TFEB: variants seen among roughly 807,000 people sequenced by gnomAD.
TFEB encodes transcription factor EB.
In TFEB, 12 loss-of-function variants were observed where a neutral mutation model predicts 48.0. The ratio of observed to expected loss-of-function variants is 0.25; its 90% confidence interval spans 0.16 to 0.40. The LOEUF (loss-of-function observed/expected upper bound fraction) is 0.40, where lower values mean the gene tolerates loss of function less well. TFEB is among the 10% of genes least tolerant of loss of function. The probability of loss-of-function intolerance (pLI) is 1.00; values close to 1 mark genes in which losing one functional copy is unlikely to be tolerated. For missense variants in TFEB, 509 were observed against 640.3 expected (o/e 0.79, Z 2.21); for synonymous variants, 244 against 261.4 (o/e 0.93, Z 0.64).
chr6:41,708,053 T>C (rs927089951), intron 1 of TFEB, among the ~76,000 whole-genome samples: 4 of 152,216 alleles, frequency 2.6e-5, no homozygotes, highest in Non-Finnish European at 5.9e-5. Flanking sequence ...ACAGGGGCAT[T>C]GCTGGCCTTG....
In TFEB at chr6:41,684,916, G is replaced by T. The variant is rs762463547; in HGVS notation, c.1114C>A (p.Leu372Met). The T allele has an allele frequency of 2.2e-5, 34 of 1,576,558 alleles. No individual in the cohort carries two copies. The Admixed American group carries it at 5.6e-4, about 26-fold the overall frequency. Residue 372 changes from leucine to methionine, a missense_variant, in exon 9 of 9, where the codon CTG becomes ATG. Transcript: ENST00000373033. The stretch of plus-strand genomic sequence containing the variant: ...GGGGCTTGCGGGGGCAGAGCTGGCA[G>T]TGGCTCAGGGTCAGGGACCTCAGCC... Reference protein sequence around the residue: ...LGAEVPDPEPLPALPPQAPLP... With the variant: ...LGAEVPDPEPMPALPPQAPLP...
At chr6:41,708,303 C>T (rs1770330667) in intron 1 of TFEB, among the ~76,000 whole-genome samples, 1 of 152,190 alleles carries the variant, frequency 6.6e-6, no homozygotes, top group South Asian at 2.1e-4. Context: ...GGGAAGAGGG[C>T]TTGGCAGACC....
In TFEB at chr6:41,735,059, C is replaced by A. The variant is rs1771621818; in HGVS notation, c.-23+291G>T. 3 of 985,228 alleles carry A rather than the reference C, an allele frequency of 3.0e-6. No homozygotes were observed. The African/African-American group carries it at 5.2e-5, about 17-fold the overall frequency. 61.0% of individuals were successfully genotyped at this position (985,228 alleles called of 1,614,324 possible). On this transcript the variant is annotated intron_variant, in intron 1 of 8. Coordinates refer to ENST00000373033, the MANE Select transcript of TFEB (RefSeq NM_001271944.2). ...GCCGGGAAGGCCCATGCCCGCCCGG[C>A]CCCTCCCGCCCGGTTACATAAGGTC... is the stretch of plus-strand genomic sequence containing the variant.
intron 6 of TFEB, among the ~76,000 whole-genome samples, chr6:41,687,443 T>G (rs1769069298): frequency 6.6e-6 from 1 of 152,224 alleles, no homozygotes; most frequent in Non-Finnish European, 1.5e-5. Flanking sequence ...GACTCTTCCC[T>G]GCTACACAGA....
chr6:41,713,074 G>A (rs930593346), intron 1 of TFEB, among the ~76,000 whole-genome samples: 2 of 152,220 alleles, frequency 1.3e-5, no homozygotes, highest in Non-Finnish European at 1.5e-5. Context: ...CGGGGGCCAG[G>A]AGAAGGAGCA....
rs1771577562 is a variant in TFEB at position 41,734,282 on chromosome 6, A to G, written c.-23+1068T>C. The G allele has an allele frequency of 3.2e-6, 3 of 937,442 alleles. No homozygotes were observed. The highest frequency in any genetic ancestry group is 3.8e-6 in the Non-Finnish European group (3 of 786,614). 58.1% of individuals were successfully genotyped at this position (937,442 alleles called of 1,614,324 possible). A position where few individuals can be genotyped will look rare whatever the true frequency, so the allele number is the denominator to read the frequency against. On this transcript the variant is annotated intron_variant, in intron 1 of 8. Transcript: ENST00000373033. The surrounding 1 kb of genome is among the most constrained non-coding windows in gnomAD (Gnocchi z 4.0). ...GGGCCCAGCGGGGTTCGCGCAGACA[A>G]GCCCCGCCCCGGGCTCCCTCCCTTC...
At chr6:41,689,685 C>CT in intron 4 of TFEB, 46 bp downstream of exon 4, 2 of 1,505,562 alleles carry the variant, frequency 1.3e-6, no homozygotes, top group Non-Finnish European at 1.8e-6. Context: ...TGGGTGCCCC[C>CT]CTCCCTAGAA....
rs186431868 is a variant in TFEB at position 41,720,105 on chromosome 6, T to C, written c.-23+15245A>G. Among the ~76,000 whole-genome samples, 8 of 152,294 alleles carry C rather than the reference T, an allele frequency of 5.3e-5. No homozygotes were observed. Among genetic ancestry groups the C allele is most frequent in the African/African-American group, 1.9e-4 (8 of 41,564 alleles). ...GCCTCTGGGCTCTGTGCTCAGTGGGTTGGAAGCCACCCACAGCCTCCTGAA... is the reference window on the plus strand; with the variant it reads ...GCCTCTGGGCTCTGTGCTCAGTGGGCTGGAAGCCACCCACAGCCTCCTGAA... On this transcript the variant is annotated intron_variant, in intron 1 of 8. Transcript: ENST00000373033. This position sits in a 1 kb window ranked among gnomAD's most constrained non-coding sequence, Gnocchi z 4.1.
At position 41,684,315 on chromosome 6, in the gene TFEB, C is replaced by G; in HGVS notation, c.*284G>C. 2.8e-6 allele frequency: 1 copy of G among 351,404 alleles called. No individual in the cohort carries two copies. The highest frequency in any genetic ancestry group is 2.1e-5 in the African/African-American group (1 of 48,068). 21.8% of individuals were successfully genotyped at this position (351,404 alleles called of 1,614,324 possible). A position where few individuals can be genotyped will look rare whatever the true frequency, so the allele number is the denominator to read the frequency against. On this transcript the variant is annotated 3_prime_UTR_variant, in exon 9 of 9. Transcript: ENST00000373033. ...AATCTCCACCAGGCCCTCTTCTCAC[C>G]TCTAGAACACCCTGCCCCTCCCTGC...
Position 41,684,376 on chromosome 6 carries a change from C to A in TFEB, c.*223G>T. 1 of 455,010 alleles carries A rather than the reference C, an allele frequency of 2.2e-6. No homozygotes were observed. The highest frequency in any genetic ancestry group is 3.7e-6 in the Non-Finnish European group (1 of 268,932). The allele number at this position is 455,010 out of a possible 1,614,324, so 28.2% of individuals were successfully genotyped here. ...CATCTCCGGGAGAGGGGCTGAAGGC[C>A]TCTTCCCACTGCGCCAGTCAAGAGG... On this transcript the variant is annotated 3_prime_UTR_variant, in exon 9 of 9. Coordinates refer to ENST00000373033, the MANE Select transcript of TFEB (RefSeq NM_001271944.2).
intron 8 of TFEB, among the ~76,000 whole-genome samples, chr6:41,685,618 C>T (rs1409251560): frequency 6.6e-6 from 1 of 152,186 alleles, no homozygotes; most frequent in Non-Finnish European, 1.5e-5. Context: ...CTGCCAAGCT[C>T]CTGGTTCTTT....
At chr6:41,695,247 C>A (rs1028404790) in intron 1 of TFEB, among the ~76,000 whole-genome samples, 1 of 152,202 alleles carries the variant, frequency 6.6e-6, no homozygotes, top group Non-Finnish European at 1.5e-5. Context: ...AACCAGGGAT[C>A]CCGGTCTCCT....
intron 6 of TFEB, 142 bp from the exon 7 acceptor site, chr6:41,687,311 A>G: frequency 2.7e-6 from 2 of 741,670 alleles, no homozygotes; most frequent in Non-Finnish European, 4.7e-6. Context: ...AGAGGTGACC[A>G]ACAGATTGGG....
chr6:41,729,392 T>C (rs1771360677), intron 1 of TFEB, among the ~76,000 whole-genome samples: 2 of 152,250 alleles, frequency 1.3e-5, no homozygotes, highest in African/African-American at 4.8e-5. Context: ...ATCATTTTTA[T>C]TGTTAACAAC....
intron 3 of TFEB, 112 bp from the exon 4 acceptor site, chr6:41,689,923 C>T: frequency 1.4e-6 from 1 of 739,558 alleles, no homozygotes; most frequent in Non-Finnish European, 2.3e-6. Context: ...CTCACCCAAC[C>T]TACTTATCTG....
chr6:41,689,569 C>T (rs115918670), intron 4 of TFEB, among the ~76,000 whole-genome samples, 162 bp downstream of exon 4: 29 of 152,290 alleles, frequency 1.9e-4, no homozygotes, highest in African/African-American at 4.6e-4. Flanking sequence ...CTCTTGGCCC[C>T]GGCCTTTGTC....
Position 41,724,391 on chromosome 6 carries a change from C to T in TFEB, c.-23+10959G>A, listed in dbSNP as rs114651662. Among the ~76,000 whole-genome samples, 2,696 of 152,154 alleles carry T rather than the reference C, an allele frequency of 0.018. 76 individuals carry two copies. The highest frequency in any genetic ancestry group is 0.06 in the African/African-American group (2,503 of 41,496). ...GTGAGTGCAGGTTTCAGGAAGGAAG[C>T]GGGCAGCAGAGAGGAGATGAGGCAG... On this transcript the variant is annotated intron_variant, in intron 1 of 8. Transcript: ENST00000373033. The surrounding 1 kb of genome is among the most constrained non-coding windows in gnomAD (Gnocchi z 4.4).
In TFEB at chr6:41,690,799, G is replaced by A; in HGVS notation, c.332C>T (p.Ala111Val). ...TGGTGGGGGTTTCGGAGAGCCCTGGGCTGGGCTGATGTGGGCAGCAAACTT... is the reference window on the plus strand; with the variant it reads ...TGGTGGGGGTTTCGGAGAGCCCTGGACTGGGCTGATGTGGGCAGCAAACTT... ...GNKFAAHISP[A>V]QGSPKPPPAA... Residue 111 changes from alanine (A) to valine (V), a missense_variant, in exon 3 of 9, where the codon GCC (alanine) becomes GTC (valine). Ala to Val is a moderately conservative substitution (Grantham distance 64). Coordinates refer to ENST00000373033, the MANE Select transcript of TFEB (RefSeq NM_001271944.2). The A allele has an allele frequency of 6.2e-7, 1 of 1,613,090 alleles. No individual in the cohort carries two copies. The highest frequency in any genetic ancestry group is 8.5e-7 in the Non-Finnish European group (1 of 1,179,568).
chr6:41,734,844 C>T lies in TFEB; in HGVS notation c.-23+506G>A, dbSNP rs62396735. 659,316 of 957,196 alleles carry T rather than the reference C, an allele frequency of 0.69. 230,782 individuals are homozygous for T. The highest frequency in any genetic ancestry group is 0.72 in the Non-Finnish European group (578,671 of 805,534). The allele number at this position is 957,196 out of a possible 1,614,324, so 59.3% of individuals were successfully genotyped here. On this transcript the variant is annotated intron_variant, in intron 1 of 8. Transcript: ENST00000373033. The surrounding 1 kb of genome is among the most constrained non-coding windows in gnomAD (Gnocchi z 4.0). Reference sequence around the variant, plus strand: ...CCCCCGGGGCGTGGCGCCGCTCTGGCCCTCCCACTCCCCCCGCTGGCCTGG... The same window carrying T: ...CCCCCGGGGCGTGGCGCCGCTCTGGTCCTCCCACTCCCCCCGCTGGCCTGG...
Sources: gnomAD v4.1 joint callset for allele counts (sites outside exome capture counted in the v4.1 genomes callset) on GRCh38, gnomAD v4.1.1 for gene constraint, Gnocchi (gnomAD v3.1) non-coding constraint, MANE v1.5 for transcripts, NCBI Gene and HGNC (gene_info 2026-07-23, HGNC 2026-07-21) for gene names.